MYO15B: variants seen among roughly 807,000 people sequenced by gnomAD.
MYO15B encodes myosin XVB, also known as myosin XVB pseudogene.
MYO15B carries 207 observed loss-of-function variants against 119.3 expected under a neutral mutation model. The observed-to-expected ratio is 1.73, with a 90% CI of 1.55 to 1.95. The LOEUF (loss-of-function observed/expected upper bound fraction) is 1.95. MYO15B is among the 30% of genes most tolerant of loss of function. The probability of loss-of-function intolerance (pLI) is 0.00; values close to 1 mark genes in which losing one functional copy is unlikely to be tolerated. For missense variants in MYO15B, 2,264 were observed against 1,203.1 expected (o/e 1.88, Z -13.04); for synonymous variants, 966 against 498.9 (o/e 1.94, Z -12.48).
intron 9 of MYO15B, among the ~76,000 whole-genome samples, chr17:75,593,472 C>T (rs1170949560): frequency 2.0e-5 from 3 of 151,868 alleles, no homozygotes; most frequent in Non-Finnish European, 4.4e-5. Flanking sequence ...GTGACACGTG[C>T]CTGGATGTGG....
At chr17:75,612,505 T>A (rs2058089231) in intron 25 of MYO15B, among the ~76,000 whole-genome samples, 1 of 152,006 alleles carries the variant, frequency 6.6e-6, no homozygotes, top group Non-Finnish European at 1.5e-5. Flanking sequence ...AAACCCCGTC[T>A]CTACTAAAAA....
At chr17:75,606,972 G>A (rs916751574) in intron 21 of MYO15B, 12 of 398,334 alleles carry the variant, frequency 3.0e-5, no homozygotes, top group African/African-American at 6.2e-5. Context: ...TTGGCTGACC[G>A]TCTGCCTCAT....
chr17:75,601,949 G>A (rs2147850899), intron 15 of MYO15B, among the ~76,000 whole-genome samples: 1 of 152,304 alleles, frequency 6.6e-6, no homozygotes, highest in African/African-American at 2.4e-5. Context: ...CAGGTGCCTG[G>A]CACATAGTAG....
exon 9 of MYO15B, chr17:75,592,696 G>T (rs561505342): frequency 4.3e-6 from 3 of 701,270 alleles, no homozygotes; most frequent in Non-Finnish European, 7.8e-6. Context: ...CCTGCAGGCT[G>T]CAAGGCAAGG....
At chr17:75,618,012 C>A in intron 42 of MYO15B, 90 bp downstream of exon 42, 1 of 690,644 alleles carries the variant, frequency 1.4e-6, no homozygotes. Context: ...ACCCCAGCAT[C>A]CCCTCCCCAC....
At chr17:75,619,604 G>A (rs2058581827) in intron 45 of MYO15B, 77 bp from the exon 46 acceptor site, 1 of 691,754 alleles carries the variant, frequency 1.4e-6, no homozygotes, top group Non-Finnish European at 2.6e-6. Context: ...CCCAGCCACT[G>A]GCCCTGGGCA....
At position 75,590,450 on chromosome 17, in the gene MYO15B, G is replaced by T. The variant is rs116689597; in HGVS notation, c.2187-176G>T. The T allele has an allele frequency of 1.5e-3, 609 of 396,492 alleles. 6 individuals are homozygous for T. The highest frequency in any genetic ancestry group is 0.011 in the African/African-American group (546 of 48,658). The allele number at this position is 396,492 out of a possible 1,614,324, so 24.6% of individuals were successfully genotyped here. On this transcript the variant is annotated intron_variant, in intron 1 of 63. Transcript: ENST00000645453. ...CTAATTAGTACAAAGCTTCCTTCTG[G>T]GTCAGAGCCAGCCCTCCTTGTAGCC...
At chr17:75,609,356 G>A (rs941537287) in intron 21 of MYO15B, among the ~76,000 whole-genome samples, 1 of 151,546 alleles carries the variant, frequency 6.6e-6, no homozygotes, top group Non-Finnish European at 1.5e-5. Context: ...AATCTTTTTT[G>A]TAGAGATGAG....
rs970475028 is a variant in MYO15B at position 75,603,179 on chromosome 17, T to C, written c.3892-9T>C. The C allele has an allele frequency of 5.7e-6, 4 of 702,996 alleles. No homozygotes were observed. Among genetic ancestry groups the C allele is most frequent in the African/African-American group, 3.5e-5 (2 of 57,258 alleles). 43.5% of individuals were successfully genotyped at this position (702,996 alleles called of 1,614,324 possible). On this transcript the variant is annotated splice_polypyrimidine_tract_variant and intron_variant, in intron 18 of 63. Transcript: ENST00000645453. The stretch of plus-strand genomic sequence containing the variant: ...TCCAGCTGTCTTTGGCTCTGTCTTG[T>C]GGCCACAGCTTCCAGGCCTCTTTGA...
At chr17:75,604,745 C>T (rs2057514604) in intron 19 of MYO15B, among the ~76,000 whole-genome samples, 1 of 151,894 alleles carries the variant, frequency 6.6e-6, no homozygotes, top group Admixed American at 6.6e-5. Context: ...TGCAGTGTCT[C>T]AGCCCCCAGC....
chr17:75,610,578 C>G, intron 22 of MYO15B: 1 of 529,902 alleles, frequency 1.9e-6, no homozygotes, highest in Non-Finnish European at 3.4e-6. Flanking sequence ...AATCTAAGGT[C>G]TATAAAGCGA....
At chr17:75,588,468 G>A (rs1309537235) in exon 1 of MYO15B, 4 of 398,344 alleles carry the variant, frequency 1.0e-5, no homozygotes, top group African/African-American at 2.1e-5. Flanking sequence ...CCTCGGCTCG[G>A]CGGGGCCGCC....
At chr17:75,614,891 C>T (rs2058270127) in intron 32 of MYO15B, 42 bp downstream of exon 32, 1 of 702,910 alleles carries the variant, frequency 1.4e-6, no homozygotes, top group Non-Finnish European at 2.6e-6. Flanking sequence ...CCCCAACCCC[C>T]CGGGGCCTCT....
At chr17:75,619,754 G>A (rs1398333356) in exon 46 of MYO15B, 2 of 702,756 alleles carry the variant, frequency 2.8e-6, no homozygotes, top group Non-Finnish European at 5.2e-6. Flanking sequence ...GTGACCCAAG[G>A]CCCCGGCCTC....
exon 1 of MYO15B, chr17:75,588,203 A>C: frequency 2.5e-6 from 1 of 397,966 alleles, no homozygotes. Flanking sequence ...GACAGGGCGA[A>C]ACCGGCGGCC....
At chr17:75,624,961 G>A (rs774532371) in intron 59 of MYO15B, 45 bp downstream of exon 59, 17 of 695,390 alleles carry the variant, frequency 2.4e-5, no homozygotes, top group South Asian at 1.3e-4. Context: ...TTGAGGGCGC[G>A]GCTTCCTGCC....
exon 27 of MYO15B, chr17:75,613,185 C>G (rs2058136116): frequency 1.4e-6 from 1 of 699,860 alleles, no homozygotes; most frequent in Admixed American, 2.0e-5. Flanking sequence ...CCCCCACTGC[C>G]TGTCCTACAG....
chr17:75,604,500 C>T (rs2057492941), intron 19 of MYO15B, among the ~76,000 whole-genome samples: 1 of 140,264 alleles, frequency 7.1e-6, no homozygotes, highest in Admixed American at 7.2e-5. Context: ...CACGTCCCTC[C>T]CTCCCACGCC....
chr17:75,592,852 C>A lies in MYO15B; in HGVS notation c.2991+12C>A. ...TCTCCTCCTCAGAGGTGGGCTTCCCCGTGGGCAGGGGCCATCTGGGGTGCT... is the reference window on the plus strand; with the variant it reads ...TCTCCTCCTCAGAGGTGGGCTTCCCAGTGGGCAGGGGCCATCTGGGGTGCT... On this transcript the variant is annotated intron_variant, in intron 9 of 63. Transcript: ENST00000645453. 1 of 699,236 alleles carries A rather than the reference C, an allele frequency of 1.4e-6. No individual in the cohort carries two copies. Among genetic ancestry groups the A allele is most frequent in the South Asian group, 1.5e-5 (1 of 67,184 alleles). The allele number at this position is 699,236 out of a possible 1,614,324, so 43.3% of individuals were successfully genotyped here.
Sources: gnomAD v4.1 joint callset for allele counts (sites outside exome capture counted in the v4.1 genomes callset) on GRCh38, gnomAD v4.1.1 for gene constraint, MANE v1.5 for transcripts, NCBI Gene and HGNC (gene_info 2026-07-23, HGNC 2026-07-21) for gene names.